Variants in VCF1 observed in about 807,000 individuals in gnomAD.
VCF1 encodes the protein protein VCF1.
chr17:73,214,154 T>C, the VCF1 span, among the ~76,000 whole-genome samples: 1 of 152,176 alleles, frequency 6.6e-6, no homozygotes, highest in Non-Finnish European at 1.5e-5. Context: ...AGACCAATGA[T>C]AGTGTTAAAC....
the VCF1 span, among the ~76,000 whole-genome samples, chr17:73,220,620 T>C: frequency 3.3e-5 from 5 of 151,150 alleles, no homozygotes; most frequent in African/African-American, 7.4e-5. Context: ...AATTTTTGTA[T>C]TGTTAGTAGA....
At chr17:73,225,087 A>C in the VCF1 span, among the ~76,000 whole-genome samples, 1 of 89,180 alleles carries the variant, frequency 1.1e-5, no homozygotes, top group Non-Finnish European at 2.6e-5. Flanking sequence ...GCAAGGCTGA[A>C]ACTAATGGTT....
At chr17:73,207,545 A>ACT in the VCF1 span, 3 of 626,602 alleles carry the variant, frequency 4.8e-6, no homozygotes, top group Non-Finnish European at 8.0e-6. Context: ...GAAAGAGTTA[A>ACT]CTGCCAACCC....
chr17:73,227,782 T>TA, the VCF1 span: 1 of 369,178 alleles, frequency 2.7e-6, no homozygotes, highest in East Asian at 1.7e-4. Context: ...ATATAACAAT[T>TA]ACTTCACTAG....
At chr17:73,214,769 AC>A in the VCF1 span, among the ~76,000 whole-genome samples, 1 of 152,212 alleles carries the variant, frequency 6.6e-6, no homozygotes, top group African/African-American at 2.4e-5. Flanking sequence ...AGAAGTGTTT[AC>A]CTTGTCACAT....
chr17:73,226,155 C>G, the VCF1 span, among the ~76,000 whole-genome samples: 1 of 151,966 alleles, frequency 6.6e-6, no homozygotes, highest in African/African-American at 2.4e-5. Context: ...CCCACCTTGG[C>G]CTACCAAAGG....
chr17:73,209,908 T>A, the VCF1 span: 12 of 1,334,926 alleles, frequency 9.0e-6, no homozygotes, highest in African/African-American at 1.2e-4. Flanking sequence ...GGCTTTGGAA[T>A]TGATAAAGTA....
At chr17:73,210,757 A>AATTTTT in the VCF1 span, among the ~76,000 whole-genome samples, 2 of 135,122 alleles carry the variant, frequency 1.5e-5, no homozygotes. Context: ...ATGCCTCGTT[A>AATTTTT]TTTTTTTTTT....
At chr17:73,227,274 A>G in the VCF1 span, 1 of 1,538,188 alleles carries the variant, frequency 6.5e-7, no homozygotes, top group Non-Finnish European at 8.7e-7. Context: ...CCTGAAATTA[A>G]ATCACAAGGA....
At chr17:73,225,311 C>T in the VCF1 span, among the ~76,000 whole-genome samples, 740 of 151,998 alleles carry the variant, frequency 4.9e-3, 13 homozygotes, top group East Asian at 0.025. Context: ...GACCAATGCA[C>T]GGATTTTAGA....
the VCF1 span, among the ~76,000 whole-genome samples, chr17:73,219,994 A>C: frequency 1.6e-3 from 242 of 152,156 alleles, 1 homozygote; most frequent in African/African-American, 4.5e-3. Context: ...GAAAAAAAAA[A>C]AAAACAAAAC....
the VCF1 span, among the ~76,000 whole-genome samples, chr17:73,226,622 T>C: frequency 6.6e-6 from 1 of 152,210 alleles, no homozygotes; most frequent in African/African-American, 2.4e-5. Context: ...ACTGAAGCAC[T>C]CTTTCATGAA....
the VCF1 span, chr17:73,212,610 TG>T: frequency 7.6e-7 from 1 of 1,316,752 alleles, no homozygotes; most frequent in Non-Finnish European, 1.1e-6. Flanking sequence ...CAATGTAGAA[TG>T]GCCACTTGCA....
chr17:73,224,925 G>GACAGGACAGCACAGCACAGC, the VCF1 span, among the ~76,000 whole-genome samples: 82 of 121,142 alleles, frequency 6.8e-4, no homozygotes, highest in African/African-American at 2.5e-3. Flanking sequence ...GACAGGACAG[G>GACAGGACAGCACAGCACAGC]ACAGGACAGC....
chr17:73,210,747 A>G, the VCF1 span, among the ~76,000 whole-genome samples: 2 of 140,980 alleles, frequency 1.4e-5, no homozygotes, highest in African/African-American at 5.3e-5. Context: ...GTACGCCACC[A>G]TGCCTCGTTA....
chr17:73,228,299 GAC>G, the VCF1 span, among the ~76,000 whole-genome samples: 1 of 152,214 alleles, frequency 6.6e-6, no homozygotes, highest in Admixed American at 6.5e-5. Flanking sequence ...GGCTAGTGTG[GAC>G]ACACAGCTCT....
chr17:73,217,442 G>A, the VCF1 span, among the ~76,000 whole-genome samples: 1 of 151,436 alleles, frequency 6.6e-6, no homozygotes, highest in Admixed American at 6.6e-5. Context: ...ACGAGGTCAA[G>A]AGATCGAGAC....
At chr17:73,231,391 G>T in the VCF1 span, among the ~76,000 whole-genome samples, 1 of 152,250 alleles carries the variant, frequency 6.6e-6, no homozygotes, top group Admixed American at 6.5e-5. Flanking sequence ...GTCAAGCACA[G>T]AACCCCTAAT....
At chr17:73,211,176 C>T in the VCF1 span, among the ~76,000 whole-genome samples, 1 of 152,250 alleles carries the variant, frequency 6.6e-6, no homozygotes, top group East Asian at 1.9e-4. Context: ...AGACTGGAGG[C>T]CAGGTGCAGT....
Sources: allele counts gnomAD v4.1 joint callset (sites outside exome capture counted in the v4.1 genomes callset), GRCh38; gene constraint gnomAD v4.1.1; transcripts MANE v1.5; gene names NCBI Gene and HGNC (gene_info 2026-07-23, HGNC 2026-07-21).